The following TMEM132D variants were observed in gnomAD, a reference collection of about 807,000 sequenced individuals.
TMEM132D encodes the protein mature OL transmembrane protein.
A neutral mutation model predicts 62.3 loss-of-function variants in TMEM132D; 21 were observed. The ratio of observed to expected loss-of-function variants is 0.34; its 90% CI spans 0.24 to 0.49. The LOEUF is 0.49. TMEM132D is among the 20% of genes least tolerant of loss of function. The pLI, the probability that TMEM132D is intolerant of heterozygous loss-of-function variation, is 0.99. For missense variants in TMEM132D, 1,346 were observed against 1,402.8 expected (o/e 0.96, Z 0.65); for synonymous variants, 621 against 575.6 (o/e 1.08, Z -1.13).
chr12:129,270,621 C>A (rs1473556323), intron 4 of TMEM132D, among the ~76,000 whole-genome samples: 3 of 152,276 alleles, frequency 2.0e-5, no homozygotes, highest in Middle Eastern at 6.8e-3. Flanking sequence ...GAGTGCATTA[C>A]ATCCTTACAG....
chr12:129,327,944 TAC>T (rs1266898975), intron 4 of TMEM132D, among the ~76,000 whole-genome samples: 4 of 152,212 alleles, frequency 2.6e-5, no homozygotes, highest in African/African-American at 7.2e-5. Flanking sequence ...CATCTCCTTG[TAC>T]CATTTCCCCA....
rs924136332 is a variant in TMEM132D, at chr12:129,788,206, G to A, written c.80-87508C>T. On this transcript the variant is annotated intron_variant, in intron 1 of 8. Coordinates refer to ENST00000422113, the MANE Select transcript of TMEM132D (RefSeq NM_133448.3). ...TTGTTGTTTTCTCTTTTACTTGCAC[G>A]GACTCCTGGAATTGGACTTTCCTGA... 3.3e-5 allele frequency among the ~76,000 whole-genome samples: 5 copies of A among 152,284 alleles called. No homozygotes were observed. In the East Asian group the frequency reaches 7.7e-4, roughly 24 times the overall value.
chr12:129,401,907 G>T (rs1307234700), intron 3 of TMEM132D, among the ~76,000 whole-genome samples: 2 of 152,196 alleles, frequency 1.3e-5, no homozygotes, highest in African/African-American at 4.8e-5. Flanking sequence ...GCAGCCTGAG[G>T]AATGACATGC....
chr12:129,873,939 G>A (rs1159799121), intron 1 of TMEM132D, among the ~76,000 whole-genome samples: 1 of 152,140 alleles, frequency 6.6e-6, no homozygotes, highest in African/African-American at 2.4e-5. Context: ...CCATTCATTT[G>A]CTCTAAGTGA....
chr12:129,617,959 T>C (rs1878966580), intron 2 of TMEM132D, among the ~76,000 whole-genome samples: 1 of 152,220 alleles, frequency 6.6e-6, no homozygotes. Context: ...AGTCTGATGC[T>C]TTCTGGTACC....
chr12:129,208,782 C>G (rs1288487782), intron 5 of TMEM132D: 1 of 152,162 alleles, frequency 6.6e-6, no homozygotes, highest in Non-Finnish European at 1.5e-5. Context: ...CGGAGGCAGC[C>G]TGGGGAACCC....
intron 2 of TMEM132D, among the ~76,000 whole-genome samples, chr12:129,605,602 TATACACACAC>T (rs1158731580): frequency 1.7e-5 from 1 of 59,220 alleles, no homozygotes; most frequent in African/African-American, 5.5e-5. Context: ...TATATATATA[TATACACACAC>T]ATATATATAT....
Position 129,365,796 on chromosome 12 carries a change from C to T in TMEM132D, c.1116-27979G>A, listed in dbSNP as rs536179429. 3.8e-4 allele frequency among the ~76,000 whole-genome samples: 58 copies of T among 152,248 alleles called. No homozygotes were observed. In the South Asian group the frequency reaches 7.7e-3, roughly 20 times the overall value. Reference sequence around the variant, plus strand: ...ACCTTGGATGAGGCAGCTCCTGGCACTAGAGGTAGAACTGATGTCTGAGAG... The same window carrying T: ...ACCTTGGATGAGGCAGCTCCTGGCATTAGAGGTAGAACTGATGTCTGAGAG... On this transcript the variant is annotated intron_variant, in intron 3 of 8. Transcript: ENST00000422113.
chr12:129,809,141 C>A (rs1872086961), intron 1 of TMEM132D, among the ~76,000 whole-genome samples: 1 of 152,078 alleles, frequency 6.6e-6, no homozygotes, highest in South Asian at 2.1e-4. Flanking sequence ...AACCTCGTCT[C>A]TACTAAAAAC....
At chr12:129,502,508 T>TG (rs1333931853) in intron 3 of TMEM132D, among the ~76,000 whole-genome samples, 1 of 152,052 alleles carries the variant, frequency 6.6e-6, no homozygotes, top group Non-Finnish European at 1.5e-5. Context: ...TGAAAAGTCT[T>TG]GGAAAAATAT....
chr12:129,099,203 C>T (rs1179405359), intron 5 of TMEM132D, among the ~76,000 whole-genome samples: 2 of 152,236 alleles, frequency 1.3e-5, no homozygotes, highest in East Asian at 3.9e-4. Flanking sequence ...CACATTCTCC[C>T]ATCTTCCTTT....
intron 1 of TMEM132D, among the ~76,000 whole-genome samples, chr12:129,843,033 G>A (rs184925299): frequency 6.6e-6 from 1 of 152,120 alleles, no homozygotes; most frequent in East Asian, 1.9e-4. Flanking sequence ...TTCCAGATAT[G>A]GCAAAAAACG....
rs1870042705 is a variant in TMEM132D, at chr12:129,356,207, A to G, written c.1116-18390T>C. 3.2e-5 allele frequency among the ~76,000 whole-genome samples: 2 copies of G among 61,846 alleles called. 1 individual carries two copies. Among genetic ancestry groups the G allele is most frequent in the Non-Finnish European group, 5.9e-5 (2 of 33,818 alleles). The allele number at this position is 61,846 out of a possible 152,430, so 40.6% of individuals were successfully genotyped here. On this transcript the variant is annotated intron_variant, in intron 3 of 8. Transcript: ENST00000422113. Reference sequence around the variant, plus strand: ...AGTCTCGCTCTGTCGCCCAGGCTGGAGTGCAGTGGCGGGATCTCGGCTCAC... The same window carrying G: ...AGTCTCGCTCTGTCGCCCAGGCTGGGGTGCAGTGGCGGGATCTCGGCTCAC...
chr12:129,654,077 T>G (rs1278318236), intron 2 of TMEM132D, among the ~76,000 whole-genome samples: 1 of 152,186 alleles, frequency 6.6e-6, no homozygotes, highest in East Asian at 1.9e-4. Flanking sequence ...GGGATTTGTC[T>G]GTTGTGTTTC....
intron 4 of TMEM132D, among the ~76,000 whole-genome samples, chr12:129,250,755 C>T (rs1880243249): frequency 6.6e-6 from 1 of 152,204 alleles, no homozygotes; most frequent in Non-Finnish European, 1.5e-5. Flanking sequence ...AAGACAAGAA[C>T]ATGAGCTCCA....
intron 2 of TMEM132D, among the ~76,000 whole-genome samples, chr12:129,654,886 A>G (rs1880030708): frequency 6.6e-6 from 1 of 152,026 alleles, no homozygotes; most frequent in Non-Finnish European, 1.5e-5. Context: ...AAACGAACAC[A>G]TTTTCATCCA....
intron 4 of TMEM132D, among the ~76,000 whole-genome samples, chr12:129,229,058 C>A (rs1257461800): frequency 6.6e-6 from 1 of 152,164 alleles, no homozygotes; most frequent in Non-Finnish European, 1.5e-5. Context: ...GGGTCTGAAT[C>A]CAGGCTCCCT....
intron 1 of TMEM132D, among the ~76,000 whole-genome samples, chr12:129,757,972 G>A (rs367927561): frequency 1.8e-4 from 28 of 152,098 alleles, no homozygotes; most frequent in Non-Finnish European, 3.5e-4. Context: ...GCATGGTCTC[G>A]GCTCACTGCA....
intron 1 of TMEM132D, among the ~76,000 whole-genome samples, chr12:129,808,597 A>G (rs1248527929): frequency 1.3e-5 from 2 of 152,214 alleles, no homozygotes; most frequent in African/African-American, 4.8e-5. Flanking sequence ...GTATAAAGCA[A>G]CAGCTGATAA....
Sources: gnomAD v4.1 joint callset for allele counts (sites outside exome capture counted in the v4.1 genomes callset) on GRCh38, gnomAD v4.1.1 for gene constraint, MANE v1.5 for transcripts, NCBI Gene and HGNC (gene_info 2026-07-23, HGNC 2026-07-21) for gene names.